KAZN: variants seen among roughly 807,000 people sequenced by gnomAD.
The protein encoded by KAZN is kazrin, periplakin interacting protein.
A neutral mutation model predicts 87.4 loss-of-function variants in KAZN; 40 were observed. That is an observed-to-expected ratio of 0.46 (90% CI 0.36 to 0.60). KAZN has a LOEUF of 0.60. KAZN is among the 20% of genes least tolerant of loss of function. The pLI, the probability that KAZN is intolerant of heterozygous loss-of-function variation, is 0.00. For missense variants in KAZN, 898 were observed against 1,073.9 expected (o/e 0.84, Z 2.29); for synonymous variants, 466 against 458.3 (o/e 1.02, Z -0.22).
chr1:14,989,214 G>A (rs759132847), intron 2 of KAZN, among the ~76,000 whole-genome samples: 3 of 152,196 alleles, frequency 2.0e-5, no homozygotes, highest in Admixed American at 6.5e-5. Context: ...GGTGGCTCAC[G>A]CCTGTAATCC....
At chr1:15,103,335 A>G (rs760975513) in intron 11 of KAZN, 24 bp from the exon 12 acceptor site, 19 of 1,539,440 alleles carry the variant, frequency 1.2e-5, no homozygotes, top group Non-Finnish European at 1.7e-5. Flanking sequence ...TGTCCCTCCG[A>G]ATGACCCACT....
At chr1:14,065,816 A>G (rs1305804110) in intron 1 of KAZN, among the ~76,000 whole-genome samples, 1 of 152,192 alleles carries the variant, frequency 6.6e-6, no homozygotes, top group Non-Finnish European at 1.5e-5. Context: ...TCTTTTTAGA[A>G]TTATATTGAA....
At chr1:14,371,537 G>T (rs1323966937) in intron 2 of KAZN, among the ~76,000 whole-genome samples, 1 of 152,156 alleles carries the variant, frequency 6.6e-6, no homozygotes, top group Admixed American at 6.5e-5. Context: ...AGCCCCAAAA[G>T]CATCTCAGTC....
chr1:14,498,508 A>G lies in KAZN; in HGVS notation c.250-100475A>G, dbSNP rs555992574. ...GGGGTTTGAGACCAGCCTGGCCAAC[A>G]TGGTGAAACCCCATCTCTACTAAAA... On this transcript the variant is annotated intron_variant, in intron 2 of 16. Transcript: ENST00000636203. 4.6e-5 allele frequency among the ~76,000 whole-genome samples: 7 copies of G among 152,264 alleles called. No individual in the cohort carries two copies. The South Asian group carries it at 1.4e-3, about 32-fold the overall frequency.
At chr1:15,083,968 C>T (rs545510330) in intron 8 of KAZN, among the ~76,000 whole-genome samples, 38 of 152,298 alleles carry the variant, frequency 2.5e-4, no homozygotes, top group Non-Finnish European at 4.3e-4. Context: ...CTGGAAACAT[C>T]GGGGGACCCC....
chr1:15,064,600 A>G (rs1051481242), intron 7 of KAZN, among the ~76,000 whole-genome samples: 3 of 152,240 alleles, frequency 2.0e-5, no homozygotes, highest in African/African-American at 7.2e-5. Flanking sequence ...AAAACGTCTC[A>G]GAGCAGCTCA....
intron 1 of KAZN, among the ~76,000 whole-genome samples, chr1:14,810,418 C>T (rs994482340): frequency 1.3e-5 from 2 of 152,136 alleles, no homozygotes; most frequent in East Asian, 1.9e-4. Context: ...CTGCCTTCCT[C>T]GTTGTGGCAT....
chr1:14,068,777 A>C (rs1050571122), intron 1 of KAZN, among the ~76,000 whole-genome samples: 2 of 151,264 alleles, frequency 1.3e-5, no homozygotes, highest in East Asian at 3.9e-4. Context: ...AGAAATCAGG[A>C]AGCAAGAAGT....
intron 1 of KAZN, among the ~76,000 whole-genome samples, chr1:14,736,254 G>GGTGGGTGTGTGT (rs1418987856): frequency 8.7e-6 from 1 of 115,300 alleles, no homozygotes; most frequent in Non-Finnish European, 1.8e-5. Context: ...GGGACTCAAG[G>GGTGGGTGTGTGT]GTGTGTGTGT....
At chr1:14,587,697 A>C (rs1221343176) in intron 2 of KAZN, among the ~76,000 whole-genome samples, 3 of 152,040 alleles carry the variant, frequency 2.0e-5, no homozygotes, top group Non-Finnish European at 2.9e-5. Flanking sequence ...CTCACTCATC[A>C]CCAAGGGTTT....
intron 10 of KAZN, among the ~76,000 whole-genome samples, chr1:15,100,508 A>G (rs1641011570): frequency 6.6e-6 from 1 of 152,196 alleles, no homozygotes; most frequent in Admixed American, 6.5e-5. Context: ...AGTCCCTTGC[A>G]GGTGGGATGC....
chr1:14,445,048 C>T (rs548543327), intron 2 of KAZN, among the ~76,000 whole-genome samples: 61 of 148,718 alleles, frequency 4.1e-4, no homozygotes, highest in African/African-American at 1.4e-3. Context: ...TTTTTTGAGA[C>T]GGAGTCTTGC....
intron 1 of KAZN, among the ~76,000 whole-genome samples, chr1:14,149,046 C>T (rs563813415): frequency 2.7e-4 from 38 of 141,174 alleles, no homozygotes; most frequent in South Asian, 4.6e-4. Flanking sequence ...TGCCTGCCTG[C>T]CTGCCTGCCT....
At chr1:14,702,359 T>TGTGTGTGTGG (rs1229169552) in intron 1 of KAZN, among the ~76,000 whole-genome samples, 1 of 151,908 alleles carries the variant, frequency 6.6e-6, no homozygotes, top group East Asian at 1.9e-4. Flanking sequence ...TGTGTGTGTG[T>TGTGTGTGTGG]GTGTGTGGAT....
intron 1 of KAZN, among the ~76,000 whole-genome samples, chr1:14,095,597 T>C (rs1311905538): frequency 6.6e-6 from 1 of 152,100 alleles, no homozygotes; most frequent in Non-Finnish European, 1.5e-5. Flanking sequence ...GCTGGAATCA[T>C]CTGGAGGCTT....
chr1:14,508,739 C>T (rs1571824083), intron 2 of KAZN, among the ~76,000 whole-genome samples: 1 of 152,186 alleles, frequency 6.6e-6, no homozygotes, highest in East Asian at 1.9e-4. Context: ...ATTATGTTTG[C>T]TCTTTGGACC....
At chr1:14,727,791 G>A (rs60306754) in intron 1 of KAZN, among the ~76,000 whole-genome samples, 1,549 of 151,758 alleles carry the variant, frequency 0.01, 28 homozygotes, top group African/African-American at 0.036. Context: ...TCATTGCATC[G>A]TAATATGTAA....
At chr1:14,549,767 C>T (rs990027019) in intron 2 of KAZN, among the ~76,000 whole-genome samples, 17 of 151,434 alleles carry the variant, frequency 1.1e-4, no homozygotes, top group African/African-American at 3.4e-4. Context: ...TTCCCACCAG[C>T]GACAGGCACA....
chr1:14,167,722 A>AAAAAAC (rs953214234), intron 1 of KAZN, among the ~76,000 whole-genome samples: 11 of 142,888 alleles, frequency 7.7e-5, no homozygotes, highest in African/African-American at 1.3e-4. Context: ...AACTCTGTCA[A>AAAAAAC]AAAAACAAAA....
Sources: allele counts gnomAD v4.1 joint callset (sites outside exome capture counted in the v4.1 genomes callset), GRCh38; gene constraint gnomAD v4.1.1; transcripts MANE v1.5; gene names NCBI Gene and HGNC (gene_info 2026-07-23, HGNC 2026-07-21).